The following DMD variants were observed in gnomAD, a reference collection of about 807,000 sequenced individuals.
DMD encodes mutant dystrophin.
In DMD, 63 loss-of-function variants were observed where a neutral mutation model predicts 330.1. That is an observed-to-expected ratio of 0.19 (90% CI 0.16 to 0.24). The LOEUF (loss-of-function observed/expected upper bound fraction) is 0.24. Among genes scored for constraint, DMD ranks in the 10% least tolerant of loss-of-function variants. DMD has a pLI of 1.00. For synonymous variants in DMD, 1,223 were observed against 959.8 expected, an observed-to-expected ratio of 1.27 and a Z score of -5.07; for missense variants, 3,344 against 2,684.1, an observed-to-expected ratio of 1.25 and a Z score of -5.43.
chrX:33,139,891 A>T (rs1005482822), intron 1 of DMD, among the ~76,000 whole-genome samples: 21 of 110,082 alleles, frequency 1.9e-4, no homozygotes, highest in South Asian at 3.9e-4. Context: ...AAAAAAAAAA[A>T]AAAAATGTCT....
intron 2 of DMD, among the ~76,000 whole-genome samples, chrX:32,891,518 G>A (rs1244142235): frequency 9.0e-6 from 1 of 111,575 alleles, no homozygotes; most frequent in Non-Finnish European, 1.9e-5. Context: ...GAATTATAAG[G>A]CGGGGAGGTA....
intron 1 of DMD, among the ~76,000 whole-genome samples, chrX:33,219,554 T>C (rs754359178): frequency 9.2e-6 from 1 of 109,047 alleles, no homozygotes; most frequent in Admixed American, 9.9e-5. Flanking sequence ...CAGGACTTGG[T>C]ACTACATATC....
At chrX:32,480,605 GTACA>G (rs959544432) in intron 21 of DMD, among the ~76,000 whole-genome samples, 2 of 111,266 alleles carry the variant, frequency 1.8e-5, no homozygotes, top group Non-Finnish European at 3.8e-5. Context: ...GTCTGTGTGT[GTACA>G]TACACAGTAT....
chrX:32,405,988 C>A (rs777198097), intron 30 of DMD, among the ~76,000 whole-genome samples: 91 of 110,820 alleles, frequency 8.2e-4, no homozygotes, highest in African/African-American at 2.7e-3. Context: ...AGTTGGATTC[C>A]TAGGTATTTT....
chrX:31,738,926 T>C (rs2087080972), intron 51 of DMD, among the ~76,000 whole-genome samples: 1 of 111,597 alleles, frequency 9.0e-6, no homozygotes, highest in Admixed American at 9.5e-5. Context: ...TACCTGAGGA[T>C]GGGAAGGGTC....
At chrX:31,833,753 T>C (rs945484481) in intron 49 of DMD, among the ~76,000 whole-genome samples, 7 of 111,165 alleles carry the variant, frequency 6.3e-5, no homozygotes, top group Non-Finnish European at 9.4e-5. Flanking sequence ...GGCTGTCTGA[T>C]GCAGAATGCG....
chrX:32,600,030 C>T (rs1225380310), intron 12 of DMD, among the ~76,000 whole-genome samples: 2 of 112,155 alleles, frequency 1.8e-5, no homozygotes, highest in Non-Finnish European at 3.8e-5. Flanking sequence ...AAATAAGTCT[C>T]TAGTTAAAGG....
chrX:32,758,761 A>G (rs777302788), intron 7 of DMD, among the ~76,000 whole-genome samples: 20 of 111,411 alleles, frequency 1.8e-4, no homozygotes, highest in Non-Finnish European at 3.0e-4. Context: ...GGATGTGTTC[A>G]ATAAAGGGTG....
At chrX:31,489,475 A>G (rs147107656) in intron 57 of DMD, among the ~76,000 whole-genome samples, 1 of 112,183 alleles carries the variant, frequency 8.9e-6, no homozygotes, top group East Asian at 2.8e-4. Flanking sequence ...CACATAGGCC[A>G]GTACTCCTCA....
At chrX:32,863,537 T>TACACACACACAC (rs199774174) in intron 2 of DMD, among the ~76,000 whole-genome samples, 847 of 78,207 alleles carry the variant, frequency 0.011, 26 homozygotes, top group African/African-American at 0.037. Context: ...ATTGTGTTTA[T>TACACACACACAC]ACACACACAC....
intron 1 of DMD, among the ~76,000 whole-genome samples, chrX:33,149,362 G>C (rs1471447347): frequency 9.0e-6 from 1 of 111,546 alleles, no homozygotes; most frequent in Admixed American, 9.6e-5. Flanking sequence ...TTGCTGATCT[G>C]ACAGGAGGCA....
chrX:33,323,234 G>A (rs2054040696), intron 1 of DMD, among the ~76,000 whole-genome samples: 1 of 111,723 alleles, frequency 9.0e-6, no homozygotes, highest in African/African-American at 3.3e-5. Flanking sequence ...ATCTAATACT[G>A]GTTGGATGTA....
chrX:32,314,459 G>A (rs969168370), intron 41 of DMD, among the ~76,000 whole-genome samples: 3 of 111,299 alleles, frequency 2.7e-5, no homozygotes, highest in Non-Finnish European at 5.7e-5. Context: ...AGAAAACCTA[G>A]GCAATACCAT....
chrX:32,704,342 G>C (rs12014056), intron 7 of DMD, among the ~76,000 whole-genome samples: 3,820 of 97,084 alleles, frequency 0.039, 258 homozygotes, highest in African/African-American at 0.2. Context: ...GTCAATGTGA[G>C]TAAGTAAGAT....
At chrX:33,115,580 C>T (rs780793841) in intron 1 of DMD, among the ~76,000 whole-genome samples, 72 of 107,485 alleles carry the variant, frequency 6.7e-4, no homozygotes, top group Non-Finnish European at 1.2e-3. Context: ...GGCGTGGTCT[C>T]GGCTCACTGC....
chrX:32,184,103 G>T (rs183439819), intron 44 of DMD, among the ~76,000 whole-genome samples: 180 of 110,536 alleles, frequency 1.6e-3, no homozygotes, highest in African/African-American at 5.6e-3. Context: ...ATATGTTTAT[G>T]CCTGAAAAAA....
At chrX:31,791,583 C>A (rs1249845806) in intron 50 of DMD, among the ~76,000 whole-genome samples, 1 of 112,205 alleles carries the variant, frequency 8.9e-6, no homozygotes, top group Non-Finnish European at 1.9e-5. Context: ...TTCCACTTTA[C>A]TTACAGAAAG....
At chrX:32,484,556 A>G (rs886443225) in intron 21 of DMD, among the ~76,000 whole-genome samples, 6 of 112,317 alleles carry the variant, frequency 5.3e-5, no homozygotes, top group Admixed American at 2.8e-4. Context: ...GAAGATGCCT[A>G]GCAAATATCC....
intron 57 of DMD, among the ~76,000 whole-genome samples, chrX:31,493,266 T>C (rs2069486279): frequency 9.0e-6 from 1 of 111,685 alleles, no homozygotes; most frequent in Non-Finnish European, 1.9e-5. Flanking sequence ...TTGAAGGACA[T>C]GGTTTAGCAA....
Sources: gnomAD v4.1 joint callset for allele counts (sites outside exome capture counted in the v4.1 genomes callset) on GRCh38, gnomAD v4.1.1 for gene constraint, MANE v1.5 for transcripts, NCBI Gene and HGNC (gene_info 2026-07-23, HGNC 2026-07-21) for gene names.